Variants in ALK observed in about 807,000 individuals in gnomAD.
ALK encodes the protein ALK tyrosine kinase receptor.
Under a neutral mutation model 163.1 loss-of-function variants are expected in ALK, and 74 were observed. That is an observed-to-expected ratio of 0.45 (90% CI 0.38 to 0.55). ALK has a LOEUF of 0.55. Among genes scored for constraint, ALK ranks in the 20% least tolerant of loss-of-function variants. The pLI is 0.00. For synonymous variants in ALK, 960 were observed against 843.2 expected, an observed-to-expected ratio of 1.14 and a Z score of -2.40; for missense variants, 2,063 against 2,105.3, an observed-to-expected ratio of 0.98 and a Z score of 0.39.
intron 3 of ALK, among the ~76,000 whole-genome samples, chr2:29,641,483 G>C (rs76237153): frequency 6.6e-6 from 1 of 152,042 alleles, no homozygotes; most frequent in East Asian, 1.9e-4. Flanking sequence ...GAAAAACAGG[G>C]GCCCTGAGAC....
At chr2:29,412,127 A>G (rs545071284) in intron 4 of ALK, among the ~76,000 whole-genome samples, 8 of 152,300 alleles carry the variant, frequency 5.3e-5, no homozygotes, top group Non-Finnish European at 1.0e-4. Flanking sequence ...CATTGGTTGG[A>G]CCAAAAAGGT....
At chr2:29,627,451 A>T (rs145989719) in intron 3 of ALK, among the ~76,000 whole-genome samples, 3 of 152,284 alleles carry the variant, frequency 2.0e-5, no homozygotes, top group East Asian at 3.9e-4. Flanking sequence ...CTAATTTCGC[A>T]TATGAAGATG....
intron 8 of ALK, among the ~76,000 whole-genome samples, chr2:29,315,910 G>A (rs1266854159): frequency 3.3e-5 from 5 of 152,186 alleles, no homozygotes; most frequent in African/African-American, 9.7e-5. Context: ...GCCAGTCCCT[G>A]TAGGCCTGAT....
rs548782480 is a variant in ALK at position 29,852,581 on chromosome 2, C to T, written c.667+67412G>A. 5.3e-5 allele frequency among the ~76,000 whole-genome samples: 8 copies of T among 152,288 alleles called. No homozygotes were observed. The South Asian group carries it at 1.5e-3, about 28-fold the overall frequency. ...AGGATTCCAACAGTTCTGGAACCTTCCTCCACACCTATTCCCCCTCTCCTA... is the reference window on the plus strand; with the variant it reads ...AGGATTCCAACAGTTCTGGAACCTTTCTCCACACCTATTCCCCCTCTCCTA... On this transcript the variant is annotated intron_variant, in intron 1 of 28. Transcript: ENST00000389048.
In ALK at chr2:29,246,664, C is replaced by T. The variant is rs1229453997; in HGVS notation, c.2204+4441G>A. Among the ~76,000 whole-genome samples, 5 of 152,178 alleles carry T rather than the reference C, an allele frequency of 3.3e-5. No homozygotes were observed. Among genetic ancestry groups the T allele is most frequent in the Non-Finnish European group, 4.4e-5 (3 of 68,020 alleles). On this transcript the variant is annotated intron_variant, in intron 12 of 28. Transcript: ENST00000389048. This position sits in a 1 kb window ranked among gnomAD's most constrained non-coding sequence, Gnocchi z 4.3. ...GTGGATGTAGTCCCAGCGTTGCACCCGACCCCACATTCACTCAGTCCTCAA... is the reference window on the plus strand; with the variant it reads ...GTGGATGTAGTCCCAGCGTTGCACCTGACCCCACATTCACTCAGTCCTCAA...
At chr2:29,371,070 A>G (rs1029866744) in intron 5 of ALK, among the ~76,000 whole-genome samples, 2 of 152,238 alleles carry the variant, frequency 1.3e-5, no homozygotes, top group Admixed American at 1.3e-4. Context: ...GAACTCCATA[A>G]TGTTGGAGCT....
chr2:29,676,291 G>A (rs1366145407), intron 3 of ALK, among the ~76,000 whole-genome samples: 2 of 151,966 alleles, frequency 1.3e-5, no homozygotes, highest in Non-Finnish European at 1.5e-5. Context: ...TCACAAAGAT[G>A]TTCTGTCATT....
At chr2:29,594,898 G>GA (rs1675164542) in intron 3 of ALK, among the ~76,000 whole-genome samples, 1 of 92,378 alleles carries the variant, frequency 1.1e-5, no homozygotes, top group African/African-American at 4.1e-5. Context: ...CAAAAATGGG[G>GA]GGTGGGGGGC....
intron 1 of ALK, among the ~76,000 whole-genome samples, chr2:29,744,653 T>C (rs761975002): frequency 1.3e-5 from 2 of 152,050 alleles, no homozygotes; most frequent in Non-Finnish European, 2.9e-5. Context: ...CAGGCCAGAG[T>C]GCAGTGTTTC....
intron 1 of ALK, among the ~76,000 whole-genome samples, chr2:29,847,531 G>A (rs548710532): frequency 1.3e-5 from 2 of 152,250 alleles, no homozygotes; most frequent in South Asian, 4.2e-4. Flanking sequence ...ATTTTAAAAG[G>A]TTGGTCTAAT....
In ALK at chr2:29,529,816, T is replaced by C. The variant is rs557090502; in HGVS notation, c.1154+2099A>G. On this transcript the variant is annotated intron_variant, in intron 4 of 28. Coordinates refer to ENST00000389048, the MANE Select transcript of ALK (RefSeq NM_004304.5). ...CTCTGCCCCAGACAAAGCCATCAAG[T>C]CACTGAATTTGCCTCAGCTCAGTCC... 2.6e-5 allele frequency among the ~76,000 whole-genome samples: 4 copies of C among 152,286 alleles called. No individual in the cohort carries two copies. The East Asian group carries it at 7.7e-4, about 29-fold the overall frequency.
At chr2:29,372,367 C>T (rs753008416) in intron 5 of ALK, among the ~76,000 whole-genome samples, 33 of 152,172 alleles carry the variant, frequency 2.2e-4, no homozygotes, top group African/African-American at 6.0e-4. Context: ...TTCACTTCAC[C>T]GATCCTGAGT....
At chr2:29,447,167 A>G (rs1326665714) in intron 4 of ALK, among the ~76,000 whole-genome samples, 3 of 152,048 alleles carry the variant, frequency 2.0e-5, no homozygotes, top group Non-Finnish European at 2.9e-5. Flanking sequence ...TTAAGTCCAG[A>G]TACCTGATGG....
intron 4 of ALK, among the ~76,000 whole-genome samples, chr2:29,477,347 T>C (rs2148115503): frequency 6.6e-6 from 1 of 152,296 alleles, no homozygotes; most frequent in Non-Finnish European, 1.5e-5. Flanking sequence ...TTTCTGAGAT[T>C]CCACATTACA....
chr2:29,908,837 A>T (rs1667622588), intron 1 of ALK, among the ~76,000 whole-genome samples: 1 of 152,180 alleles, frequency 6.6e-6, no homozygotes, highest in South Asian at 2.1e-4. Flanking sequence ...GCTGCCTTTT[A>T]TTGGAGTTAT....
At chr2:29,485,584 G>A (rs768565657) in intron 4 of ALK, among the ~76,000 whole-genome samples, 3 of 152,162 alleles carry the variant, frequency 2.0e-5, no homozygotes, top group African/African-American at 4.8e-5. Context: ...ATTCATATGC[G>A]AATGATTGGT....
chr2:29,297,993 T>C (rs1573204518), intron 8 of ALK, among the ~76,000 whole-genome samples: 1 of 152,250 alleles, frequency 6.6e-6, no homozygotes, highest in African/African-American at 2.4e-5. Context: ...CCCTTTTTAC[T>C]GATTCTCTCT....
intron 3 of ALK, among the ~76,000 whole-genome samples, chr2:29,563,255 T>TTG (rs1674077897): frequency 1.3e-5 from 2 of 152,170 alleles, no homozygotes; most frequent in South Asian, 4.1e-4. Flanking sequence ...TGTTTTAAAT[T>TTG]TGTTGCAGCA....
intron 4 of ALK, among the ~76,000 whole-genome samples, chr2:29,394,749 C>T (rs1669263489): frequency 6.6e-6 from 1 of 152,214 alleles, no homozygotes; most frequent in Non-Finnish European, 1.5e-5. Context: ...ACATCACCCA[C>T]CAGCAGCCAG....
Sources: allele counts gnomAD v4.1 joint callset (sites outside exome capture counted in the v4.1 genomes callset), GRCh38; gene constraint gnomAD v4.1.1; non-coding constraint Gnocchi (gnomAD v3.1); transcripts MANE v1.5; gene names NCBI Gene and HGNC (gene_info 2026-07-23, HGNC 2026-07-21).